The following CCDC3 variants were observed in gnomAD, a reference collection of about 807,000 sequenced individuals.
CCDC3 encodes coiled-coil domain-containing protein 3.
A neutral mutation model predicts 21.4 loss-of-function variants in CCDC3; 24 were observed. The observed-to-expected ratio is 1.12, with a 90% confidence interval of 0.81 to 1.58. The LOEUF is 1.58. Ranked by LOEUF, CCDC3 falls within the 40% of genes most tolerant of loss-of-function variation. The pLI, the probability that CCDC3 is intolerant of heterozygous loss-of-function variation, is 0.00. For synonymous variants in CCDC3, 186 were observed against 166.0 expected (o/e 1.12, Z -0.93); for missense variants, 425 against 360.9 (o/e 1.18, Z -1.44).
intron 3 of CCDC3, among the ~76,000 whole-genome samples, chr10:13,079,286 G>A (rs1404215044): frequency 6.7e-6 from 1 of 148,348 alleles, no homozygotes; most frequent in Non-Finnish European, 1.5e-5. Context: ...TGTGGCCTTA[G>A]GGGTAAGGAA....
chr10:13,092,363 G>T (rs1394791572), intron 3 of CCDC3, among the ~76,000 whole-genome samples: 4 of 152,138 alleles, frequency 2.6e-5, no homozygotes, highest in African/African-American at 9.7e-5. Context: ...CTCTGAAATC[G>T]TTGCAATGGG....
rs536483100 is a variant in CCDC3, at chr10:13,029,821, C to A, written c.-2+19853G>T. Reference sequence around the variant, plus strand: ...GAGTAAAAAGAAATCAACAAAGCCTCCAAGAAATATGGGACTAGGTGAAAA... The same window carrying A: ...GAGTAAAAAGAAATCAACAAAGCCTACAAGAAATATGGGACTAGGTGAAAA... On this transcript the variant is annotated intron_variant, in intron 5 of 6. Coordinates refer to the CCDC3 transcript ENST00000378839. Among the ~76,000 whole-genome samples the A allele has an allele frequency of 3.9e-5, 6 of 152,256 alleles. No homozygotes were observed. In the East Asian group the frequency reaches 5.8e-4, roughly 15 times the overall value.
intron 2 of CCDC3, among the ~76,000 whole-genome samples, chr10:12,920,251 A>G (rs2131215417): frequency 6.6e-6 from 1 of 152,324 alleles, no homozygotes; most frequent in South Asian, 2.1e-4. Context: ...TTATAAAGCC[A>G]TCAGATCTCA....
At chr10:12,946,336 T>C (rs1834916393) in intron 2 of CCDC3, among the ~76,000 whole-genome samples, 1 of 152,240 alleles carries the variant, frequency 6.6e-6, no homozygotes, top group Non-Finnish European at 1.5e-5. Flanking sequence ...ATTGTTCAAC[T>C]AGCAGAGGCT....
upstream of CCDC3, among the ~76,000 whole-genome samples, chr10:13,003,810 T>G (rs1480960940): frequency 6.6e-6 from 1 of 152,210 alleles, no homozygotes; most frequent in East Asian, 1.9e-4. Flanking sequence ...TTTCTCTTGT[T>G]GTATAAACTT....
intron 4 of CCDC3, among the ~76,000 whole-genome samples, chr10:13,073,148 G>A (rs1836907465): frequency 6.6e-6 from 1 of 152,178 alleles, no homozygotes; most frequent in South Asian, 2.1e-4. Context: ...TTACAGGCAT[G>A]AGCCACTATC....
chr10:13,071,429 A>C (rs1235749193), intron 4 of CCDC3, among the ~76,000 whole-genome samples: 2 of 152,250 alleles, frequency 1.3e-5, no homozygotes, highest in Admixed American at 6.5e-5. Flanking sequence ...ACAGGTGAGC[A>C]TGACTAATTC....
intron 3 of CCDC3, among the ~76,000 whole-genome samples, chr10:13,087,395 A>C (rs1837123572): frequency 4.5e-5 from 6 of 133,756 alleles, no homozygotes; most frequent in Admixed American, 1.6e-4. Context: ...CAAGAGTGAA[A>C]CTCCATCTCA....
chr10:13,039,076 T>A (rs1480960933), intron 5 of CCDC3, among the ~76,000 whole-genome samples: 1 of 152,140 alleles, frequency 6.6e-6, no homozygotes, highest in Non-Finnish European at 1.5e-5. Context: ...TCAGTTCAAA[T>A]AAGCAAGCAC....
At chr10:13,007,056 C>T (rs1016289844) in intron 5 of CCDC3, among the ~76,000 whole-genome samples, 6 of 152,132 alleles carry the variant, frequency 3.9e-5, no homozygotes, top group African/African-American at 7.2e-5. Context: ...TAAGTGCTGC[C>T]GTTTGACCCC....
intron 5 of CCDC3, among the ~76,000 whole-genome samples, chr10:13,029,134 A>G (rs952308440): frequency 1.4e-4 from 22 of 152,262 alleles, no homozygotes; most frequent in African/African-American, 4.3e-4. Flanking sequence ...TTCTGATTCC[A>G]CTGCCCACTC....
chr10:12,983,919 A>C (rs1450651792), intron 2 of CCDC3, among the ~76,000 whole-genome samples: 3 of 152,234 alleles, frequency 2.0e-5, no homozygotes, highest in South Asian at 2.1e-4. Context: ...GTCTCTACTA[A>C]AAATACAAAA....
intron 5 of CCDC3, among the ~76,000 whole-genome samples, chr10:13,025,686 A>G (rs910057978): frequency 6.6e-5 from 10 of 152,304 alleles, no homozygotes; most frequent in African/African-American, 1.9e-4. Flanking sequence ...TTTTCCTACT[A>G]TCAATTATCC....
intron 2 of CCDC3, among the ~76,000 whole-genome samples, chr10:12,939,623 CGGAT>C (rs1564291405): frequency 1.1e-3 from 6 of 5,264 alleles, no homozygotes; most frequent in African/African-American, 2.9e-3. Flanking sequence ...ATGGTAGGAG[CGGAT>C]CAATTCTGTC....
At chr10:12,948,186 ACT>A (rs1319407502) in intron 2 of CCDC3, among the ~76,000 whole-genome samples, 4 of 151,860 alleles carry the variant, frequency 2.6e-5, no homozygotes, top group Admixed American at 2.6e-4. Context: ...CCCTGCACAC[ACT>A]CTCTTGCCTG....
At chr10:13,058,212 C>G in intron 4 of CCDC3, 2 of 1,277,178 alleles carry the variant, frequency 1.6e-6, no homozygotes, top group Non-Finnish European at 2.3e-6. Context: ...ACTTGATTGC[C>G]AGCGGTAGTT....
intron 2 of CCDC3, among the ~76,000 whole-genome samples, chr10:12,944,426 G>A (rs1317256232): frequency 6.6e-6 from 1 of 152,194 alleles, no homozygotes; most frequent in Non-Finnish European, 1.5e-5. Flanking sequence ...TGCCAATCAG[G>A]AAATGTTTGA....
chr10:12,918,963 G>A (rs1017201716), intron 2 of CCDC3, among the ~76,000 whole-genome samples: 1 of 152,192 alleles, frequency 6.6e-6, no homozygotes, highest in South Asian at 2.1e-4. Context: ...GCTGAGGCAG[G>A]AGAATGGGCG....
chr10:13,075,889 A>T (rs1326215643), intron 3 of CCDC3, among the ~76,000 whole-genome samples: 1 of 152,112 alleles, frequency 6.6e-6, no homozygotes, highest in Admixed American at 6.5e-5. Flanking sequence ...TCTCTACTAA[A>T]AAAATAAAAT....
Sources: allele counts gnomAD v4.1 joint callset (sites outside exome capture counted in the v4.1 genomes callset), GRCh38; gene constraint gnomAD v4.1.1; transcripts MANE v1.5; gene names NCBI Gene and HGNC (gene_info 2026-07-23, HGNC 2026-07-21).